The following SCML2 variants were observed in gnomAD, a reference collection of about 807,000 sequenced individuals.
SCML2 encodes Scm polycomb group protein like 2.
A neutral mutation model predicts 48.4 loss-of-function variants in SCML2; 6 were observed. The observed-to-expected ratio is 0.12, with a 90% CI of 0.07 to 0.24. SCML2 has a LOEUF of 0.24. Ranked by LOEUF, SCML2 falls within the 10% of genes least tolerant of loss-of-function variation. The probability of loss-of-function intolerance (pLI) is 1.00; values close to 1 mark genes in which losing one functional copy is unlikely to be tolerated. For synonymous variants in SCML2, 181 were observed against 189.5 expected, an observed-to-expected ratio of 0.95 and a Z score of 0.37; for missense variants, 377 against 528.2, an observed-to-expected ratio of 0.71 and a Z score of 2.81.
chrX:18,338,996 C>T (rs763463776), intron 1 of SCML2, among the ~76,000 whole-genome samples: 1 of 108,950 alleles, frequency 9.2e-6, no homozygotes, highest in Admixed American at 9.9e-5. Context: ...CAAGTAGAAG[C>T]TCAAAGACTG....
chrX:18,306,497 AT>A (rs1197235241), intron 6 of SCML2, among the ~76,000 whole-genome samples: 1 of 111,872 alleles, frequency 8.9e-6, no homozygotes, highest in East Asian at 2.8e-4. Flanking sequence ...CTCATCTTCA[AT>A]TGTAGTATCA....
intron 11 of SCML2, among the ~76,000 whole-genome samples, chrX:18,250,402 G>A (rs1165318333): frequency 9.3e-6 from 1 of 107,727 alleles, no homozygotes; most frequent in African/African-American, 3.4e-5. Context: ...TTTTTTTTGA[G>A]ATGGAGGCTC....
chrX:18,337,744 T>C (rs962070920), intron 1 of SCML2, among the ~76,000 whole-genome samples: 2 of 111,695 alleles, frequency 1.8e-5, no homozygotes, highest in Non-Finnish European at 3.8e-5. Flanking sequence ...ATAGTTGAAC[T>C]CAACATCATC....
intron 5 of SCML2, 98 bp downstream of exon 5, chrX:18,323,761 G>T: frequency 1.6e-6 from 1 of 610,802 alleles, no homozygotes; most frequent in Non-Finnish European, 2.7e-6. Flanking sequence ...CTATTTGCAA[G>T]AATGCCCAAG....
chrX:18,248,985 C>A (rs1926549665), intron 11 of SCML2, among the ~76,000 whole-genome samples: 1 of 111,301 alleles, frequency 9.0e-6, no homozygotes, highest in Non-Finnish European at 1.9e-5. Context: ...TCTGCTTCTG[C>A]GTATTGTAGT....
At chrX:18,313,407 G>A (rs1929023914) in intron 6 of SCML2, among the ~76,000 whole-genome samples, 1 of 110,779 alleles carries the variant, frequency 9.0e-6, no homozygotes, top group African/African-American at 3.3e-5. Context: ...TTCTCTTGCC[G>A]CCACCATGTA....
At chrX:18,253,165 C>T (rs1256386102) in intron 11 of SCML2, among the ~76,000 whole-genome samples, 1 of 111,516 alleles carries the variant, frequency 9.0e-6, no homozygotes, top group Non-Finnish European at 1.9e-5. Flanking sequence ...GGTTCTCAAT[C>T]AAAATCCTGG....
chrX:18,277,319 C>T (rs1047940677), intron 7 of SCML2, among the ~76,000 whole-genome samples: 10 of 112,136 alleles, frequency 8.9e-5, no homozygotes, highest in African/African-American at 1.9e-4. Flanking sequence ...AATCCACCCA[C>T]CTCGGCCTCC....
chrX:18,243,112 T>C (rs775196556), intron 13 of SCML2, among the ~76,000 whole-genome samples: 3 of 111,891 alleles, frequency 2.7e-5, no homozygotes. Context: ...CTCGCTCTGT[T>C]ACCCAGGCTG....
At chrX:18,333,621 T>C (rs1217270124) in intron 2 of SCML2, among the ~76,000 whole-genome samples, 1 of 111,843 alleles carries the variant, frequency 8.9e-6, no homozygotes, top group Non-Finnish European at 1.9e-5. Flanking sequence ...TCATGAGAGA[T>C]ACAGCGCTTG....
intron 1 of SCML2, among the ~76,000 whole-genome samples, chrX:18,353,457 T>A (rs1444974431): frequency 8.9e-6 from 1 of 111,983 alleles, no homozygotes; most frequent in Non-Finnish European, 1.9e-5. Context: ...CTATCTCCAA[T>A]ACTTTTGTAA....
chrX:18,335,216 T>G lies in SCML2; in HGVS notation c.-24-1121A>C, dbSNP rs1431619863. Among the ~76,000 whole-genome samples the G allele has an allele frequency of 5.4e-5, 6 of 111,128 alleles. No individual in the cohort carries two copies. The Admixed American group carries it at 5.8e-4, about 11-fold the overall frequency. The stretch of plus-strand genomic sequence containing the variant: ...CCTGTGAATTACATTAAAATGAGTC[T>G]TATCAGGCTGGGCACAGTGGCTCAT... On this transcript the variant is annotated intron_variant, in intron 1 of 14. Transcript: ENST00000251900.
intron 1 of SCML2, among the ~76,000 whole-genome samples, chrX:18,338,543 G>A (rs1929910586): frequency 9.1e-6 from 1 of 110,036 alleles, no homozygotes; most frequent in Admixed American, 9.8e-5. Flanking sequence ...GAAGTACAGA[G>A]CAGAATGATG....
At chrX:18,250,339 A>G (rs1926603910) in intron 11 of SCML2, among the ~76,000 whole-genome samples, 1 of 111,020 alleles carries the variant, frequency 9.0e-6, no homozygotes, top group Non-Finnish European at 1.9e-5. Flanking sequence ...CAGCCTCCCA[A>G]GTAGCTGGGA....
chrX:18,274,238 C>T (rs1230800545), intron 7 of SCML2, among the ~76,000 whole-genome samples: 5 of 111,615 alleles, frequency 4.5e-5, no homozygotes, highest in African/African-American at 1.6e-4. Flanking sequence ...CCATGGAGTT[C>T]ACTCCTTCCA....
At chrX:18,274,628 G>T (rs1225306552) in intron 7 of SCML2, among the ~76,000 whole-genome samples, 1 of 111,585 alleles carries the variant, frequency 9.0e-6, no homozygotes, top group Non-Finnish European at 1.9e-5. Context: ...TCTACTATCT[G>T]CCCTCTGTGT....
At chrX:18,263,498 T>G (rs1927147496) in intron 8 of SCML2, among the ~76,000 whole-genome samples, 1 of 112,051 alleles carries the variant, frequency 8.9e-6, no homozygotes, top group Admixed American at 9.5e-5. Flanking sequence ...CAATGATTTA[T>G]CTTAGTATGC....
chrX:18,257,424 A>T (rs1340244782), intron 10 of SCML2, among the ~76,000 whole-genome samples: 2 of 111,657 alleles, frequency 1.8e-5, no homozygotes, highest in East Asian at 5.7e-4. Flanking sequence ...CAGCCAAGGT[A>T]CTCTGCCTAT....
chrX:18,285,587 A>G (rs1691264089), intron 7 of SCML2, among the ~76,000 whole-genome samples: 1 of 110,472 alleles, frequency 9.1e-6, no homozygotes, highest in Non-Finnish European at 1.9e-5. Context: ...AAAATTAATT[A>G]TTGGGTACTA....
Sources: allele counts gnomAD v4.1 joint callset (sites outside exome capture counted in the v4.1 genomes callset), GRCh38; gene constraint gnomAD v4.1.1; transcripts MANE v1.5; gene names NCBI Gene and HGNC (gene_info 2026-07-23, HGNC 2026-07-21).